TCIRG1: variants seen among roughly 807,000 people sequenced by gnomAD.
TCIRG1 encodes T cell immune regulator 1, ATPase H+ transporting V0 subunit a3, also known as V-type proton ATPase 116 kDa subunit a 3.
A neutral mutation model predicts 95.5 loss-of-function variants in TCIRG1; 86 were observed. That is an observed-to-expected ratio of 0.90 (90% CI 0.76 to 1.08). The LOEUF is 1.08. Ranked by LOEUF, TCIRG1 falls within the 50% of genes least tolerant of loss-of-function variation. TCIRG1 has a pLI of 0.00. For synonymous variants in TCIRG1, 499 were observed against 501.3 expected (o/e 1.00, Z 0.06); for missense variants, 1,069 against 1,140.2 (o/e 0.94, Z 0.90).
chr11:68,046,169 C>T (rs1234846235), intron 10 of TCIRG1, among the ~76,000 whole-genome samples: 4 of 152,188 alleles, frequency 2.6e-5, no homozygotes, highest in Non-Finnish European at 4.4e-5. Context: ...GCTTAAGGGG[C>T]AGACACGGTC....
chr11:68,047,797 G>A lies in TCIRG1; in HGVS notation c.1456G>A (p.Gly486Ser). 1 of 1,612,830 alleles carries A rather than the reference G, an allele frequency of 6.2e-7. No homozygotes were observed. Among genetic ancestry groups the A allele is most frequent in the East Asian group, 2.2e-5 (1 of 44,858 alleles). Reference sequence around the variant, plus strand: ...TGTGGCCGCCATGGCCAACCAGTCTGGCTGGAGGTGAGGCCCGGGCCCCAG... The same window carrying A: ...TGTGGCCGCCATGGCCAACCAGTCTAGCTGGAGGTGAGGCCCGGGCCCCAG... ...WSVAAMANQS[G>S]WSDAFLAQHT... Residue 486 changes from glycine to serine, a missense_variant, in exon 12 of 20, where the codon GGC becomes AGC. Physicochemically the swap from Gly to Ser is moderately conservative, Grantham distance 56. Transcript: ENST00000265686.
At position 68,043,854 on chromosome 11, in the gene TCIRG1, G is replaced by T. The variant is rs781773533; in HGVS notation, c.754G>T (p.Ala252Ser). 2.6e-6 allele frequency: 4 copies of T among 1,553,884 alleles called. No homozygotes were observed. The Admixed American group carries it at 5.8e-5, about 22-fold the overall frequency. The change falls in exon 8 of 20, where the codon GCC becomes TCC. Residue 252 changes from alanine to serine, a missense_variant. By Grantham distance (99) the Ala-to-Ser change is moderately conservative. Coordinates refer to ENST00000265686, the MANE Select transcript of TCIRG1 (RefSeq NM_006019.4). ...HVFPFLQQEE[A>S]RLGALQQLQQ... ...CTTCCCGTTTCTGCAGCAGGAGGAG[G>T]CCCGCCTCGGGGCCCTGCAGCAGCT...
At position 68,041,255 on chromosome 11, in the gene TCIRG1, T is replaced by C. The variant is rs1565152453; in HGVS notation, c.-4-13T>C. 3.8e-6 allele frequency: 6 copies of C among 1,588,182 alleles called. No homozygotes were observed. The highest frequency in any genetic ancestry group is 1.7e-5 in the Admixed American group (1 of 59,978). On this transcript the variant is annotated splice_polypyrimidine_tract_variant and intron_variant, in intron 1 of 19. Transcript: ENST00000265686. ...TCTGCCCCTGACTGGCCCCCATCCG[T>C]GTCCACCCACAGGACCATGGGCTCC...
downstream of TCIRG1, among the ~76,000 whole-genome samples, chr11:68,051,763 G>C (rs1254059452): frequency 6.6e-6 from 1 of 152,220 alleles, no homozygotes; most frequent in Non-Finnish European, 1.5e-5. Flanking sequence ...CTAAATGAAG[G>C]ACTCCGGAGA....
At chr11:68,053,301 G>A (rs1466250890), downstream of TCIRG1, 1 of 152,344 alleles carries the variant, frequency 6.6e-6, no homozygotes. Context: ...TCAGGAGGAA[G>A]GGCAGGGGAG....
intron 10 of TCIRG1, chr11:68,047,148 T>G: frequency 2.3e-6 from 1 of 433,734 alleles, no homozygotes; most frequent in Non-Finnish European, 4.3e-6. Flanking sequence ...GTAGCTGGGA[T>G]TACAGGCACC....
At chr11:68,051,035 G>A, downstream of TCIRG1, 1 of 622,512 alleles carries the variant, frequency 1.6e-6, no homozygotes, top group South Asian at 1.9e-5. Flanking sequence ...GGGGTGAAAA[G>A]GGGCAGAAAA....
chr11:68,050,522 A>ATAGGCC lies in TCIRG1; in HGVS notation c.2274_2279dup (p.Leu762_Gly763dup), dbSNP rs761752296. 4.3e-6 allele frequency: 7 copies of ATAGGCC among 1,610,894 alleles called. No homozygotes were observed. Among genetic ancestry groups the ATAGGCC allele is most frequent in the Admixed American group, 1.7e-5 (1 of 59,874 alleles). On this transcript the variant is annotated inframe_insertion, in exon 19 of 20. Coordinates refer to ENST00000265686, the MANE Select transcript of TCIRG1 (RefSeq NM_006019.4). ...GGTTCTGTGGGCCATGGTGATGCGC[A>ATAGGCC]TAGGCCTGGGCCTGGGCCGGGAGGT...
rs1236559030 is a variant in TCIRG1, at chr11:68,050,826, C to T, written c.*7C>T. ...CGCTGCCACAGATGACTAGGGCCCA[C>T]TGCAGGTCCTGCCAGACCTCCTTCC... On this transcript the variant is annotated 3_prime_UTR_variant, in exon 20 of 20. Coordinates refer to ENST00000265686, the MANE Select transcript of TCIRG1 (RefSeq NM_006019.4). 1.2e-6 allele frequency: 2 copies of T among 1,612,550 alleles called. No homozygotes were observed. The highest frequency in any genetic ancestry group is 2.7e-5 in the African/African-American group (2 of 74,948).
downstream of TCIRG1, chr11:68,053,561 AAC>A (rs1248814844): frequency 1.1e-5 from 2 of 179,792 alleles, no homozygotes; most frequent in African/African-American, 2.4e-5. Flanking sequence ...CACCGTCTAT[AAC>A]ACATCGCCAT....
rs536494151 is a variant in TCIRG1, at chr11:68,042,749, G to C, written c.303G>C (p.Thr101=). The C allele has an allele frequency of 1.7e-5, 26 of 1,547,284 alleles. No individual in the cohort carries two copies. The highest frequency in any genetic ancestry group is 2.0e-5 in the Admixed American group (1 of 50,928). ...ACCTGCTGCGCATCCAGGAGGAGAC[G>C]GAGCGCCTGGCCCAGGAGCTGCGGG... is the stretch of plus-strand genomic sequence containing the variant. The part of the protein sequence containing the change: ...PRDLLRIQEE[T]ERLAQELRDV... The change falls in exon 4 of 20, where the codon ACG becomes ACC. Residue 101 remains threonine (T), a synonymous_variant. Coordinates refer to ENST00000265686, the MANE Select transcript of TCIRG1 (RefSeq NM_006019.4).
At position 68,043,673 on chromosome 11, in the gene TCIRG1, C is replaced by A; in HGVS notation, c.713+20C>A. On this transcript the variant is annotated intron_variant, in intron 7 of 19. Coordinates refer to ENST00000265686, the MANE Select transcript of TCIRG1 (RefSeq NM_006019.4). ...GGACTGGTGAGTCACTGGGAACACC[C>A]GCCCCACCGCCCTGCTCCCCAGGCC... 1 of 1,586,678 alleles carries A rather than the reference C, an allele frequency of 6.3e-7. No homozygotes were observed. The highest frequency in any genetic ancestry group is 8.6e-7 in the Non-Finnish European group (1 of 1,165,244).
At chr11:68,049,509 A>G (rs1565163191) in intron 15 of TCIRG1, 154 bp from the exon 16 acceptor site, 1 of 1,138,848 alleles carries the variant, frequency 8.8e-7, no homozygotes, top group Non-Finnish European at 1.3e-6. Context: ...GTCCTTATGG[A>G]GGCAGACCCT....
rs886388479 is a variant in TCIRG1 at position 68,050,045 on chromosome 11, GGAT to G, written c.2103_2105del (p.Asp701del). 38 of 1,613,292 alleles carry G rather than the reference GGAT, an allele frequency of 2.4e-5. No individual in the cohort carries two copies. Among genetic ancestry groups the G allele is most frequent in the Non-Finnish European group, 3.1e-5 (37 of 1,179,940 alleles). On this transcript the variant is annotated inframe_deletion, in exon 17 of 20. Coordinates refer to ENST00000265686, the MANE Select transcript of TCIRG1 (RefSeq NM_006019.4). ...CCGATGAGGAAAAGGCAGGGGGCCTGGATGATGAAGAGGAGGCCGAGGTGGGTG... is the reference window on the plus strand; with the variant it reads ...CCGATGAGGAAAAGGCAGGGGGCCTGGATGAAGAGGAGGCCGAGGTGGGTG...
At chr11:68,043,521 G>A in intron 6 of TCIRG1, 24 bp downstream of exon 6, 1 of 1,583,564 alleles carries the variant, frequency 6.3e-7, no homozygotes, top group Non-Finnish European at 8.6e-7. Flanking sequence ...GCTGGGCTGG[G>A]GGGTCCTGGG....
At chr11:68,050,277 G>A in intron 18 of TCIRG1, 23 bp downstream of exon 18, 1 of 1,607,598 alleles carries the variant, frequency 6.2e-7, no homozygotes. Flanking sequence ...GCCACCGACG[G>A]CTGGCCCCAG....
chr11:68,047,739 T>G lies in TCIRG1; in HGVS notation c.1398T>G (p.Ser466Arg). 2.5e-6 allele frequency: 4 copies of G among 1,613,280 alleles called. No homozygotes were observed. Among genetic ancestry groups the G allele is most frequent in the Non-Finnish European group, 1.7e-6 (2 of 1,180,006 alleles). ...GCTTCATCTACAACGAGTGCTTCAG[T>G]CGCGCCACCAGCATCTTCCCCTCGG... ...YTGFIYNECF[S>R]RATSIFPSGW... The change falls in exon 12 of 20, where the codon AGT becomes AGG. Residue 466 changes from serine (S) to arginine (R), a missense_variant. Ser to Arg is a moderately radical substitution (Grantham distance 110, BLOSUM62 -1). Transcript: ENST00000265686.
downstream of TCIRG1, among the ~76,000 whole-genome samples, chr11:68,052,597 A>G (rs1456940640): frequency 6.6e-6 from 1 of 152,208 alleles, no homozygotes; most frequent in East Asian, 1.9e-4. Flanking sequence ...AGGCACCAGC[A>G]CTGCTCCCAG....
At position 68,050,465 on chromosome 11, in the gene TCIRG1, CCACT is replaced by C; in HGVS notation, c.2237-21_2237-18del. ...GCAGGCACCCACTTGCCGTTGGCCC[CCACT>C]GTCTCCTTTGCTTGCAGAGCTGTCC... On this transcript the variant is annotated intron_variant, in intron 18 of 19. Transcript: ENST00000265686. The C allele has an allele frequency of 6.2e-7, 1 of 1,612,282 alleles. No homozygotes were observed. The highest frequency in any genetic ancestry group is 8.5e-7 in the Non-Finnish European group (1 of 1,179,982).
Sources: allele counts gnomAD v4.1 joint callset (sites outside exome capture counted in the v4.1 genomes callset), GRCh38; gene constraint gnomAD v4.1.1; transcripts MANE v1.5; gene names NCBI Gene and HGNC (gene_info 2026-07-23, HGNC 2026-07-21).